SPIDR: variants seen among roughly 807,000 people sequenced by gnomAD.
The protein encoded by SPIDR is DNA repair-scaffolding protein.
SPIDR carries 93 observed loss-of-function variants against 104.6 expected under a neutral mutation model. That is an observed-to-expected ratio of 0.89 (90% CI 0.75 to 1.06). The LOEUF is 1.06. SPIDR is among the 50% of genes least tolerant of loss of function. The probability of loss-of-function intolerance (pLI) is 0.00; values close to 1 mark genes in which losing one functional copy is unlikely to be tolerated. For missense variants in SPIDR, 1,154 were observed against 1,111.2 expected, an observed-to-expected ratio of 1.04 and a Z score of -0.55; for synonymous variants, 431 against 416.9, an observed-to-expected ratio of 1.03 and a Z score of -0.41.
intron 8 of SPIDR, among the ~76,000 whole-genome samples, chr8:47,467,239 A>G (rs1244569020): frequency 3.3e-5 from 5 of 152,114 alleles, no homozygotes; most frequent in African/African-American, 1.2e-4. Context: ...GCCAACCAAA[A>G]AAAGCCCAGG....
intron 8 of SPIDR, among the ~76,000 whole-genome samples, chr8:47,560,039 C>T (rs1318351499): frequency 6.6e-6 from 1 of 152,148 alleles, no homozygotes; most frequent in South Asian, 2.1e-4. Context: ...ATAGGCCACA[C>T]CTGACAGGTG....
intron 11 of SPIDR, among the ~76,000 whole-genome samples, chr8:47,674,935 T>C (rs1403272126): frequency 6.6e-6 from 1 of 152,252 alleles, no homozygotes; most frequent in Non-Finnish European, 1.5e-5. Flanking sequence ...ACATATCCCC[T>C]GTAAGCCCTG....
intron 7 of SPIDR, among the ~76,000 whole-genome samples, chr8:47,423,084 T>A (rs1223199976): frequency 6.6e-6 from 1 of 151,952 alleles, no homozygotes; most frequent in Admixed American, 6.6e-5. Flanking sequence ...AGTGGGTGGA[T>A]CACAAGGTCA....
At chr8:47,678,318 T>C (rs2076687871) in intron 11 of SPIDR, among the ~76,000 whole-genome samples, 3 of 152,174 alleles carry the variant, frequency 2.0e-5, no homozygotes, top group Non-Finnish European at 4.4e-5. Context: ...GGAGTAAGAC[T>C]GTCTACTCCT....
intron 5 of SPIDR, among the ~76,000 whole-genome samples, chr8:47,321,210 A>C (rs189430456): frequency 0.036 from 5,448 of 152,316 alleles, 351 homozygotes; most frequent in Admixed American, 0.15. Context: ...GTCTCAGCCC[A>C]AAATCTCCTT....
At chr8:47,331,502 A>G (rs1187434045) in intron 5 of SPIDR, among the ~76,000 whole-genome samples, 1 of 152,192 alleles carries the variant, frequency 6.6e-6, no homozygotes, top group Non-Finnish European at 1.5e-5. Flanking sequence ...GTACATTATA[A>G]TATGGCATAA....
At chr8:47,467,872 G>T (rs1053921885) in intron 8 of SPIDR, among the ~76,000 whole-genome samples, 5 of 152,130 alleles carry the variant, frequency 3.3e-5, no homozygotes, top group Non-Finnish European at 7.4e-5. Flanking sequence ...TCAGGCAATA[G>T]AAATAAATAA....
chr8:47,626,459 G>A (rs1227949937), intron 10 of SPIDR, among the ~76,000 whole-genome samples: 2 of 152,156 alleles, frequency 1.3e-5, no homozygotes, highest in South Asian at 2.1e-4. Context: ...GCAACCTACA[G>A]AACGGGAGGA....
rs550573201 is a variant in SPIDR, at chr8:47,349,698, C to T, written c.526-46678C>T. On this transcript the variant is annotated intron_variant, in intron 5 of 19. Coordinates refer to ENST00000297423, the MANE Select transcript of SPIDR (RefSeq NM_001080394.4). The stretch of plus-strand genomic sequence containing the variant: ...ATGGCAGTCGCACCTCCCCCAGCAT[C>T]GCTGCCACCTCGCAGTTCTATCTCG... 4.7e-4 allele frequency among the ~76,000 whole-genome samples: 72 copies of T among 152,324 alleles called. No homozygotes were observed. In the South Asian group the frequency reaches 7.4e-3, roughly 16 times the overall value.
intron 5 of SPIDR, among the ~76,000 whole-genome samples, chr8:47,357,294 A>G (rs2054746594): frequency 6.6e-6 from 1 of 152,200 alleles, no homozygotes. Context: ...TGGTATGAAG[A>G]AAGGAAAATC....
At chr8:47,317,963 C>G (rs897871511) in intron 5 of SPIDR, among the ~76,000 whole-genome samples, 2 of 151,916 alleles carry the variant, frequency 1.3e-5, no homozygotes, top group African/African-American at 4.8e-5. Context: ...CATCAAAGAC[C>G]CAAAGGTAGA....
chr8:47,600,462 G>A (rs910091183), intron 10 of SPIDR, among the ~76,000 whole-genome samples: 2 of 152,180 alleles, frequency 1.3e-5, no homozygotes, highest in Non-Finnish European at 2.9e-5. Flanking sequence ...TCAAGTGGAG[G>A]CACTTTATTT....
At chr8:47,567,756 C>CTTCTT (rs1318687559) in intron 8 of SPIDR, among the ~76,000 whole-genome samples, 19 of 134,278 alleles carry the variant, frequency 1.4e-4, no homozygotes, top group African/African-American at 3.6e-4. Flanking sequence ...CTTTTGTTTT[C>CTTCTT]TTCTTTTCTT....
In SPIDR at chr8:47,729,450, C is replaced by T. The variant is rs751725193; in HGVS notation, c.2589C>T (p.Ala863=). 38 of 1,597,842 alleles carry T rather than the reference C, an allele frequency of 2.4e-5. No individual in the cohort carries two copies. The highest frequency in any genetic ancestry group is 3.1e-5 in the Non-Finnish European group (36 of 1,173,254). ...GCATTTCCTCCCTGCTGAGGTTTGC[C>T]GCCGGTGAAGATGGGGTAAGTGCAG... ...QRSISSLLRF[A]AGEDGSYEVK... The change falls in exon 19 of 20, where the codon GCC becomes GCT. Residue 863 remains alanine (A), a synonymous_variant. Coordinates refer to ENST00000297423, the MANE Select transcript of SPIDR (RefSeq NM_001080394.4).
chr8:47,664,861 A>C (rs1303701694), intron 10 of SPIDR, among the ~76,000 whole-genome samples: 1 of 151,456 alleles, frequency 6.6e-6, no homozygotes, highest in Non-Finnish European at 1.5e-5. Context: ...GTGCCACTGC[A>C]CTCCAGCCTG....
chr8:47,712,899 T>G, intron 15 of SPIDR, 27 bp downstream of exon 15: 2 of 1,613,074 alleles, frequency 1.2e-6, no homozygotes, highest in Non-Finnish European at 1.7e-6. Context: ...ACAGCTTTGA[T>G]GCAGGGGCGA....
At chr8:47,281,675 A>G (rs1260219971) in intron 2 of SPIDR, among the ~76,000 whole-genome samples, 2 of 152,210 alleles carry the variant, frequency 1.3e-5, no homozygotes, top group East Asian at 1.9e-4. Context: ...TGCTGTTTCT[A>G]TCACATCAGT....
At chr8:47,660,896 AC>A (rs2074005612) in intron 10 of SPIDR, 1 of 951,838 alleles carries the variant, frequency 1.1e-6, no homozygotes, top group African/African-American at 1.8e-5. Flanking sequence ...TGCATGTGTA[AC>A]AATGCGCATT....
intron 8 of SPIDR, among the ~76,000 whole-genome samples, chr8:47,470,715 C>A (rs1462581045): frequency 6.6e-6 from 1 of 152,224 alleles, no homozygotes; most frequent in South Asian, 2.1e-4. Context: ...CAAAAATCAA[C>A]TTAAAATACA....
Sources: allele counts gnomAD v4.1 joint callset (sites outside exome capture counted in the v4.1 genomes callset), GRCh38; gene constraint gnomAD v4.1.1; transcripts MANE v1.5; gene names NCBI Gene and HGNC (gene_info 2026-07-23, HGNC 2026-07-21).